The following KLF6 variants were observed in gnomAD, a reference collection of about 807,000 sequenced individuals.
KLF6 encodes Krueppel-like factor 6.
For synonymous variants in KLF6, 152 were observed against 147.9 expected (o/e 1.03, Z -0.20); for missense variants, 233 against 359.8 (o/e 0.65, Z 2.85).
Position 3,776,128 on chromosome 10 carries a change from C to T in KLF6, c.*3411G>A, listed in dbSNP as rs1832366366. The T allele has an allele frequency of 3.8e-6, 2 of 530,052 alleles. No individual in the cohort carries two copies. The highest frequency in any genetic ancestry group is 3.7e-5 in the African/African-American group (2 of 53,596). 32.8% of individuals were successfully genotyped at this position (530,052 alleles called of 1,614,324 possible). A position where few individuals can be genotyped will look rare whatever the true frequency, so the allele number is the denominator to read the frequency against. On this transcript the variant is annotated 3_prime_UTR_variant, in exon 4 of 4. Coordinates refer to ENST00000497571, the MANE Select transcript of KLF6 (RefSeq NM_001300.6). ...AGACATGCCTCAGCCAGGTGTGTGGCAGGGCTGGCTGGGGAAGGTAGGCCC... is the reference window on the plus strand; with the variant it reads ...AGACATGCCTCAGCCAGGTGTGTGGTAGGGCTGGCTGGGGAAGGTAGGCCC...
In KLF6 at chr10:3,776,457, T is replaced by TGAA; in HGVS notation, c.*3079_*3081dup. Reference sequence around the variant, plus strand: ...GTGAGTTGTTCTCAGGGTTGCTCAATGAAGATTTGCCCCCAGGAGGAAGCC... The same window carrying TGAA: ...GTGAGTTGTTCTCAGGGTTGCTCAATGAAGAAGATTTGCCCCCAGGAGGAAGCC... On this transcript the variant is annotated 3_prime_UTR_variant, in exon 4 of 4. Transcript: ENST00000497571. 1.9e-6 allele frequency: 1 copy of TGAA among 531,560 alleles called. No individual in the cohort carries two copies. Among genetic ancestry groups the TGAA allele is most frequent in the African/African-American group, 1.9e-5 (1 of 53,680 alleles). 32.9% of individuals were successfully genotyped at this position (531,560 alleles called of 1,614,324 possible).
Position 3,779,368 on chromosome 10 carries a change from C to T in KLF6, c.*171G>A, listed in dbSNP as rs945962984. 4.3e-6 allele frequency: 3 copies of T among 698,338 alleles called. No homozygotes were observed. Among genetic ancestry groups the T allele is most frequent in the Admixed American group, 2.0e-5 (1 of 49,566 alleles). 43.3% of individuals were successfully genotyped at this position (698,338 alleles called of 1,614,324 possible). ...ATACCATGCACCACGGGTGCTATGC[C>T]GCTTCTTACAGGACCTTTTTAGCCC... On this transcript the variant is annotated 3_prime_UTR_variant, in exon 4 of 4. Coordinates refer to ENST00000497571, the MANE Select transcript of KLF6 (RefSeq NM_001300.6).
rs1832509569 is a variant in KLF6 at position 3,781,174 on chromosome 10, ACAGAGCAGGCCGGTCCCACTCGGG to A, written c.676+443_676+466del. On this transcript the variant is annotated intron_variant, in intron 2 of 3. Transcript: ENST00000497571. The surrounding 1 kb of genome is among the most constrained non-coding windows in gnomAD (Gnocchi z 5.8). Reference sequence around the variant, plus strand: ...CACTCGCTGATCAATGCTGCTGCTTACAGAGCAGGCCGGTCCCACTCGGGCCTCGGGCCGTCAGCATCAAACCCA... The same window carrying A: ...CACTCGCTGATCAATGCTGCTGCTTACCTCGGGCCGTCAGCATCAAACCCA... 2 of 318,248 alleles carry A rather than the reference ACAGAGCAGGCCGGTCCCACTCGGG, an allele frequency of 6.3e-6. No individual in the cohort carries two copies. Among genetic ancestry groups the A allele is most frequent in the African/African-American group, 4.3e-5 (2 of 46,764 alleles). 19.7% of individuals were successfully genotyped at this position (318,248 alleles called of 1,614,324 possible). A position where few individuals can be genotyped will look rare whatever the true frequency, so the allele number is the denominator to read the frequency against.
chr10:3,776,930 T>G lies in KLF6; in HGVS notation c.*2609A>C. 1 of 499,458 alleles carries G rather than the reference T, an allele frequency of 2.0e-6. No homozygotes were observed. Among genetic ancestry groups the G allele is most frequent in the South Asian group, 1.7e-5 (1 of 60,034 alleles). The allele number at this position is 499,458 out of a possible 1,614,324, so 30.9% of individuals were successfully genotyped here. ...ACAAGCCAGTGCAAGTTTTTTTTTT[T>G]CCTTTTTTTTTTTTTGTCTTTTGCT... On this transcript the variant is annotated 3_prime_UTR_variant, in exon 4 of 4. Coordinates refer to ENST00000497571, the MANE Select transcript of KLF6 (RefSeq NM_001300.6).
rs1038367694 is a variant in KLF6, at chr10:3,785,181, A to G, written c.-167T>C. On this transcript the variant is annotated 5_prime_UTR_variant, in exon 1 of 4. Transcript: ENST00000497571. ...GCAGCCCGCAGCGCGCGGAGCCCAC[A>G]CAATATTTGCAAACACCGGACTGAC... The G allele has an allele frequency of 7.1e-7, 1 of 1,415,894 alleles. No individual in the cohort carries two copies. Among genetic ancestry groups the G allele is most frequent in the Non-Finnish European group, 9.6e-7 (1 of 1,039,228 alleles). The allele number at this position is 1,415,894 out of a possible 1,614,324, so 87.7% of individuals were successfully genotyped here. A position where few individuals can be genotyped will look rare whatever the true frequency, so the allele number is the denominator to read the frequency against.
rs1378356744 is a variant in KLF6, at chr10:3,781,623, G to A, written c.676+18C>T. On this transcript the variant is annotated intron_variant, in intron 2 of 3. Transcript: ENST00000497571. The surrounding 1 kb of genome is among the most constrained non-coding windows in gnomAD (Gnocchi z 5.8). ...CGCCCACCAGCGGCCGCCCTCCGGG[G>A]CCCGCGTGGGCACTGACCTGTGTGC... The A allele has an allele frequency of 6.2e-7, 1 of 1,611,626 alleles. No homozygotes were observed. The highest frequency in any genetic ancestry group is 8.5e-7 in the Non-Finnish European group (1 of 1,178,970).
rs1317201360 is a variant in KLF6 at position 3,779,409 on chromosome 10, A to G, written c.*130T>C. 5.0e-6 allele frequency: 4 copies of G among 795,362 alleles called. No individual in the cohort carries two copies. The Admixed American group carries it at 5.9e-5, about 12-fold the overall frequency. 49.3% of individuals were successfully genotyped at this position (795,362 alleles called of 1,614,324 possible). ...TTTTTAGCCCTCAAAAGACCTTCCA[A>G]GGAGAGGCCCTGGAGGCAACTGGGT... is the stretch of plus-strand genomic sequence containing the variant. On this transcript the variant is annotated 3_prime_UTR_variant, in exon 4 of 4. Coordinates refer to ENST00000497571, the MANE Select transcript of KLF6 (RefSeq NM_001300.6).
In KLF6 at chr10:3,781,613, G is replaced by C. The variant is rs192712828; in HGVS notation, c.676+28C>G. 5.0e-6 allele frequency: 8 copies of C among 1,609,040 alleles called. No individual in the cohort carries two copies. The highest frequency in any genetic ancestry group is 5.9e-6 in the Non-Finnish European group (7 of 1,177,820). ...AATGCAGTGGCGCCCACCAGCGGCCGCCCTCCGGGGCCCGCGTGGGCACTG... is the reference window on the plus strand; with the variant it reads ...AATGCAGTGGCGCCCACCAGCGGCCCCCCTCCGGGGCCCGCGTGGGCACTG... On this transcript the variant is annotated intron_variant, in intron 2 of 3. Transcript: ENST00000497571. This position sits in a 1 kb window ranked among gnomAD's most constrained non-coding sequence, Gnocchi z 5.8.
Position 3,777,933 on chromosome 10 carries a change from C to T in KLF6, c.*1606G>A, listed in dbSNP as rs541148255. The T allele has an allele frequency of 1.8e-5, 9 of 492,908 alleles. No homozygotes were observed. The East Asian group carries it at 3.7e-4, about 20-fold the overall frequency. 30.5% of individuals were successfully genotyped at this position (492,908 alleles called of 1,614,324 possible). On this transcript the variant is annotated 3_prime_UTR_variant, in exon 4 of 4. Coordinates refer to ENST00000497571, the MANE Select transcript of KLF6 (RefSeq NM_001300.6). ...CATTAACATTGGGGGTTTTTTAATACTTCTGTATCTTTAATATGTGTGAAA... is the reference window on the plus strand; with the variant it reads ...CATTAACATTGGGGGTTTTTTAATATTTCTGTATCTTTAATATGTGTGAAA...
chr10:3,776,633 CAAATA>C lies in KLF6; in HGVS notation c.*2901_*2905del, dbSNP rs1832382688. On this transcript the variant is annotated 3_prime_UTR_variant, in exon 4 of 4. Coordinates refer to ENST00000497571, the MANE Select transcript of KLF6 (RefSeq NM_001300.6). ...ATAACAATCTTGCAAAAAACAATTT[CAAATA>C]AAATCTTGTAAAACAAAATTTTACA... The C allele has an allele frequency of 2.1e-6, 1 of 473,376 alleles. No homozygotes were observed. The highest frequency in any genetic ancestry group is 4.0e-6 in the Non-Finnish European group (1 of 249,646). The allele number at this position is 473,376 out of a possible 1,614,324, so 29.3% of individuals were successfully genotyped here.
rs1454204421 is a variant in KLF6 at position 3,776,328 on chromosome 10, T to G, written c.*3211A>C. ...GCCGGGGGGTTGTTTTTGTCAGTCCTTGGAGAAGAGTATTTGATGCATTCA... is the reference window on the plus strand; with the variant it reads ...GCCGGGGGGTTGTTTTTGTCAGTCCGTGGAGAAGAGTATTTGATGCATTCA... On this transcript the variant is annotated 3_prime_UTR_variant, in exon 4 of 4. Coordinates refer to ENST00000497571, the MANE Select transcript of KLF6 (RefSeq NM_001300.6). The G allele has an allele frequency of 1.9e-6, 1 of 532,606 alleles. No individual in the cohort carries two copies. Among genetic ancestry groups the G allele is most frequent in the African/African-American group, 1.9e-5 (1 of 53,718 alleles). 33.0% of individuals were successfully genotyped at this position (532,606 alleles called of 1,614,324 possible).
Position 3,782,305 on chromosome 10 carries a change from G to A in KLF6, c.103-91C>T, listed in dbSNP as rs1251680718. 4 of 1,049,960 alleles carry A rather than the reference G, an allele frequency of 3.8e-6. No homozygotes were observed. The highest frequency in any genetic ancestry group is 5.8e-6 in the Non-Finnish European group (4 of 691,830). 65.0% of individuals were successfully genotyped at this position (1,049,960 alleles called of 1,614,324 possible). On this transcript the variant is annotated intron_variant, in intron 1 of 3. Coordinates refer to ENST00000497571, the MANE Select transcript of KLF6 (RefSeq NM_001300.6). The surrounding 1 kb of genome is among the most constrained non-coding windows in gnomAD (Gnocchi z 4.3). ...TTTCCAAAAACATGCAAGAATGAAG[G>A]ACAGATAACATTGCTGCCCGGTCAC...
rs113244515 is a variant in KLF6 at position 3,781,629 on chromosome 10, G to A, written c.676+12C>T. 8.1e-6 allele frequency: 13 copies of A among 1,612,368 alleles called. No individual in the cohort carries two copies. The highest frequency in any genetic ancestry group is 3.3e-5 in the South Asian group (3 of 90,932). ...CCAGCGGCCGCCCTCCGGGGCCCGC[G>A]TGGGCACTGACCTGTGTGCGTCCGC... On this transcript the variant is annotated intron_variant, in intron 2 of 3. Coordinates refer to ENST00000497571, the MANE Select transcript of KLF6 (RefSeq NM_001300.6). The surrounding 1 kb of genome is among the most constrained non-coding windows in gnomAD (Gnocchi z 5.8).
Position 3,781,487 on chromosome 10 carries a change from A to G in KLF6, c.676+154T>C, listed in dbSNP as rs1405909273. 1.3e-6 allele frequency: 2 copies of G among 1,550,976 alleles called. No homozygotes were observed. Among genetic ancestry groups the G allele is most frequent in the Admixed American group, 2.0e-5 (1 of 50,840 alleles). ...TTTAGGATTCTACTCTGAACTCCAA[A>G]AAGACCTAATGCTTTGGTGGAAAAC... is the stretch of plus-strand genomic sequence containing the variant. On this transcript the variant is annotated intron_variant, in intron 2 of 3. Coordinates refer to ENST00000497571, the MANE Select transcript of KLF6 (RefSeq NM_001300.6). The surrounding 1 kb of genome is among the most constrained non-coding windows in gnomAD (Gnocchi z 5.8).
Position 3,778,826 on chromosome 10 carries a change from T to C in KLF6, c.*713A>G, listed in dbSNP as rs1474746340. The C allele has an allele frequency of 1.9e-6, 1 of 533,108 alleles. No individual in the cohort carries two copies. The highest frequency in any genetic ancestry group is 1.9e-5 in the African/African-American group (1 of 53,798). The allele number at this position is 533,108 out of a possible 1,614,324, so 33.0% of individuals were successfully genotyped here. On this transcript the variant is annotated 3_prime_UTR_variant, in exon 4 of 4. Coordinates refer to ENST00000497571, the MANE Select transcript of KLF6 (RefSeq NM_001300.6). ...TGTGTTATATTTGTAAATACACAGCTTATACAATGGGTTACAAATGAGCTA... is the reference window on the plus strand; with the variant it reads ...TGTGTTATATTTGTAAATACACAGCCTATACAATGGGTTACAAATGAGCTA...
Position 3,778,034 on chromosome 10 carries a change from G to A in KLF6, c.*1505C>T, listed in dbSNP as rs1157452007. 2 of 510,330 alleles carry A rather than the reference G, an allele frequency of 3.9e-6. No individual in the cohort carries two copies. Among genetic ancestry groups the A allele is most frequent in the Non-Finnish European group, 7.7e-6 (2 of 261,342 alleles). The allele number at this position is 510,330 out of a possible 1,614,324, so 31.6% of individuals were successfully genotyped here. A position where few individuals can be genotyped will look rare whatever the true frequency, so the allele number is the denominator to read the frequency against. ...AGGTCTATATGAAAGTCTCAAGGTG[G>A]CAGAATTGGTCAGATTTTTCCATTT... On this transcript the variant is annotated 3_prime_UTR_variant, in exon 4 of 4. Coordinates refer to ENST00000497571, the MANE Select transcript of KLF6 (RefSeq NM_001300.6).
In KLF6 at chr10:3,782,855, G is replaced by A. The variant is rs553603505; in HGVS notation, c.103-641C>T. On this transcript the variant is annotated intron_variant, in intron 1 of 3. Coordinates refer to ENST00000497571, the MANE Select transcript of KLF6 (RefSeq NM_001300.6). This position sits in a 1 kb window ranked among gnomAD's most constrained non-coding sequence, Gnocchi z 4.3. ...AGCCCAGACCGCCTATGTTTTCACA[G>A]AATGCCGTTCCCAAGTGCAGGCCCT... 6.6e-5 allele frequency among the ~76,000 whole-genome samples: 10 copies of A among 152,342 alleles called. No homozygotes were observed. In the South Asian group the frequency reaches 2.1e-3, roughly 32 times the overall value.
At position 3,776,264 on chromosome 10, in the gene KLF6, TG is replaced by T. The variant is rs1832372219; in HGVS notation, c.*3274del. ...GCAATGCATTCCCTGGCTTGAGCAA[TG>T]GAAGATCAAACCGGCATGGTTCCCT... On this transcript the variant is annotated 3_prime_UTR_variant, in exon 4 of 4. Coordinates refer to ENST00000497571, the MANE Select transcript of KLF6 (RefSeq NM_001300.6). The T allele has an allele frequency of 7.5e-6, 4 of 532,726 alleles. No homozygotes were observed. Among genetic ancestry groups the T allele is most frequent in the Non-Finnish European group, 1.5e-5 (4 of 275,370 alleles). The allele number at this position is 532,726 out of a possible 1,614,324, so 33.0% of individuals were successfully genotyped here.
chr10:3,778,218 A>G lies in KLF6; in HGVS notation c.*1321T>C. 5.7e-6 allele frequency: 3 copies of G among 526,112 alleles called. No individual in the cohort carries two copies. In the East Asian group the frequency reaches 1.2e-4, roughly 21 times the overall value. The allele number at this position is 526,112 out of a possible 1,614,324, so 32.6% of individuals were successfully genotyped here. The stretch of plus-strand genomic sequence containing the variant: ...GATACAGTACACTGCCAGGTGAAAC[A>G]AGAGCCTTAATAAAGCATGCATCGC... On this transcript the variant is annotated 3_prime_UTR_variant, in exon 4 of 4. Coordinates refer to ENST00000497571, the MANE Select transcript of KLF6 (RefSeq NM_001300.6).
Sources: allele counts gnomAD v4.1 joint callset (sites outside exome capture counted in the v4.1 genomes callset), GRCh38; gene constraint gnomAD v4.1.1; non-coding constraint Gnocchi (gnomAD v3.1); transcripts MANE v1.5; gene names NCBI Gene and HGNC (gene_info 2026-07-23, HGNC 2026-07-21).